CCSER2: variants seen among roughly 807,000 people sequenced by gnomAD.
The protein encoded by CCSER2 is coiled-coil serine rich protein 2.
A neutral mutation model predicts 92.3 loss-of-function variants in CCSER2; 46 were observed. The ratio of observed to expected loss-of-function variants is 0.50; its 90% CI spans 0.39 to 0.64. The LOEUF is 0.64. CCSER2 is among the 30% of genes least tolerant of loss of function. The probability of loss-of-function intolerance (pLI) is 0.00; values close to 1 mark genes in which losing one functional copy is unlikely to be tolerated. For synonymous variants in CCSER2, 433 were observed against 431.4 expected (o/e 1.00, Z -0.04); for missense variants, 1,244 against 1,238.9 (o/e 1.00, Z -0.06).
chr10:84,496,911 G>A (rs925192288), intron 9 of CCSER2, among the ~76,000 whole-genome samples: 25 of 152,072 alleles, frequency 1.6e-4, no homozygotes, highest in African/African-American at 5.1e-4. Flanking sequence ...GTTTTTAGCT[G>A]TATTTGACAG....
At chr10:84,416,019 G>A (rs1842871930) in intron 3 of CCSER2, among the ~76,000 whole-genome samples, 1 of 152,212 alleles carries the variant, frequency 6.6e-6, no homozygotes, top group Non-Finnish European at 1.5e-5. Context: ...GTATCTCTGT[G>A]TGTGTGCCCA....
At chr10:84,386,376 A>C (rs193131085) in intron 3 of CCSER2, among the ~76,000 whole-genome samples, 7 of 152,376 alleles carry the variant, frequency 4.6e-5, no homozygotes, top group African/African-American at 1.7e-4. Context: ...TTGGATAAAG[A>C]AAATGTGGTG....
intron 3 of CCSER2, among the ~76,000 whole-genome samples, chr10:84,401,522 A>G (rs563239254): frequency 6.6e-6 from 1 of 152,348 alleles, no homozygotes; most frequent in South Asian, 2.1e-4. Flanking sequence ...CCCTATAACC[A>G]TTAAAGAATT....
chr10:84,503,662 A>G (rs767342720), intron 9 of CCSER2, among the ~76,000 whole-genome samples: 1 of 152,152 alleles, frequency 6.6e-6, no homozygotes, highest in African/African-American at 2.4e-5. Context: ...AATAATACCT[A>G]TTTCTTACTG....
intron 6 of CCSER2, chr10:84,455,869 A>G: frequency 1.4e-6 from 1 of 726,160 alleles, no homozygotes; most frequent in Non-Finnish European, 2.6e-6. Flanking sequence ...GAGCAACCAC[A>G]GCATCTGGCT....
intron 3 of CCSER2, among the ~76,000 whole-genome samples, chr10:84,374,527 A>G (rs1037008732): frequency 2.0e-5 from 3 of 152,172 alleles, no homozygotes; most frequent in African/African-American, 4.8e-5. Context: ...CCTGCAGGCA[A>G]CACTTGGCAC....
chr10:84,417,691 A>G (rs1842951286), intron 3 of CCSER2, 80 bp from the exon 4 acceptor site: 5 of 735,118 alleles, frequency 6.8e-6, no homozygotes, highest in Admixed American at 5.5e-5. Context: ...AGGATATCAT[A>G]TAGTTCGATT....
At chr10:84,343,754 A>AG (rs1844329606) in intron 1 of CCSER2, among the ~76,000 whole-genome samples, 1 of 152,252 alleles carries the variant, frequency 6.6e-6, no homozygotes, top group Non-Finnish European at 1.5e-5. Flanking sequence ...GATATGTGCC[A>AG]GAAAGGATCT....
At chr10:84,429,622 C>A (rs973542550) in intron 5 of CCSER2, among the ~76,000 whole-genome samples, 5 of 149,864 alleles carry the variant, frequency 3.3e-5, no homozygotes, top group African/African-American at 1.2e-4. Context: ...CCACCCCCCC[C>A]AGCTTTTTTT....
At chr10:84,412,149 A>G (rs12765309) in intron 3 of CCSER2, among the ~76,000 whole-genome samples, 8,873 of 151,422 alleles carry the variant, frequency 0.059, 373 homozygotes, top group Admixed American at 0.1. Context: ...CTTGCATCCC[A>G]GGTGGATAAG....
intron 9 of CCSER2, among the ~76,000 whole-genome samples, chr10:84,513,232 CAG>C (rs1849457488): frequency 6.6e-6 from 1 of 151,962 alleles, no homozygotes; most frequent in African/African-American, 2.4e-5. Flanking sequence ...GGATCTTGTT[CAG>C]TGTTTACTGC....
At chr10:84,376,396 T>C (rs913040474) in intron 3 of CCSER2, among the ~76,000 whole-genome samples, 1 of 152,166 alleles carries the variant, frequency 6.6e-6, no homozygotes, top group African/African-American at 2.4e-5. Context: ...CAGTCAGTCA[T>C]TCTCTTACTC....
intron 5 of CCSER2, 103 bp from the exon 6 acceptor site, chr10:84,438,409 A>C (rs1844318323): frequency 1.5e-6 from 1 of 687,080 alleles, no homozygotes; most frequent in Admixed American, 2.7e-5. Context: ...GGTGATAATG[A>C]TAAGTGATTT....
chr10:84,338,988 G>C (rs981461981), intron 1 of CCSER2, among the ~76,000 whole-genome samples: 2 of 151,758 alleles, frequency 1.3e-5, no homozygotes, highest in Non-Finnish European at 2.9e-5. Flanking sequence ...TCTTCCCTTA[G>C]CCACTGATCC....
intron 3 of CCSER2, among the ~76,000 whole-genome samples, chr10:84,402,565 T>A (rs1025515859): frequency 6.6e-6 from 1 of 152,186 alleles, no homozygotes; most frequent in African/African-American, 2.4e-5. Flanking sequence ...AAACAAATCC[T>A]AACAATTGTT....
At chr10:84,401,297 G>A (rs1348624727) in intron 3 of CCSER2, among the ~76,000 whole-genome samples, 1 of 152,106 alleles carries the variant, frequency 6.6e-6, no homozygotes, top group African/African-American at 2.4e-5. Flanking sequence ...CAATAAAATT[G>A]ATAAACATTT....
chr10:84,415,244 C>T (rs1842835951), intron 3 of CCSER2, among the ~76,000 whole-genome samples: 1 of 152,160 alleles, frequency 6.6e-6, no homozygotes, highest in African/African-American at 2.4e-5. Context: ...TTTGAGTTTT[C>T]AGCGTTTTTG....
At chr10:84,457,239 ATATAT>A (rs1314401635) in intron 6 of CCSER2, among the ~76,000 whole-genome samples, 9 of 63,812 alleles carry the variant, frequency 1.4e-4, no homozygotes, top group African/African-American at 4.4e-4. Context: ...TAAATATATT[ATATAT>A]TATATATTAT....
intron 6 of CCSER2, among the ~76,000 whole-genome samples, chr10:84,459,345 A>T (rs1212005061): frequency 6.6e-6 from 1 of 151,616 alleles, no homozygotes; most frequent in East Asian, 1.9e-4. Flanking sequence ...AGGTTATTTT[A>T]TTTTTTTCTT....
Sources: allele counts gnomAD v4.1 joint callset (sites outside exome capture counted in the v4.1 genomes callset), GRCh38; gene constraint gnomAD v4.1.1; transcripts MANE v1.5; gene names NCBI Gene and HGNC (gene_info 2026-07-23, HGNC 2026-07-21).